CDH9: variants seen among roughly 807,000 people sequenced by gnomAD.
The protein encoded by CDH9 is cadherin 9.
Under a neutral mutation model 70.9 loss-of-function variants are expected in CDH9, and 28 were observed. That is an observed-to-expected ratio of 0.40 (90% CI 0.29 to 0.54). CDH9 has a LOEUF of 0.54. Ranked by LOEUF, CDH9 falls within the 20% of genes least tolerant of loss-of-function variation. CDH9 has a pLI of 0.59. For synonymous variants in CDH9, 409 were observed against 343.1 expected, an observed-to-expected ratio of 1.19 and a Z score of -2.12; for missense variants, 874 against 984.4, an observed-to-expected ratio of 0.89 and a Z score of 1.50.
At chr5:26,988,718 A>T (rs1319099740) in intron 1 of CDH9, among the ~76,000 whole-genome samples, 1 of 152,066 alleles carries the variant, frequency 6.6e-6, no homozygotes, top group Non-Finnish European at 1.5e-5. Context: ...CAAATGTTCC[A>T]TAGTCCTTAA....
intron 2 of CDH9, among the ~76,000 whole-genome samples, chr5:26,976,020 A>G (rs1312329771): frequency 6.6e-6 from 1 of 152,202 alleles, no homozygotes; most frequent in Non-Finnish European, 1.5e-5. Flanking sequence ...GTTGTTGTCT[A>G]AACTTCACAT....
At chr5:26,892,587 G>C (rs1367393714) in intron 7 of CDH9, among the ~76,000 whole-genome samples, 1 of 152,096 alleles carries the variant, frequency 6.6e-6, no homozygotes, top group East Asian at 1.9e-4. Flanking sequence ...ACTCCCTTTT[G>C]ATCAAGTGAA....
chr5:26,885,166 A>G (rs1314282415), intron 11 of CDH9, among the ~76,000 whole-genome samples: 2 of 152,298 alleles, frequency 1.3e-5, no homozygotes, highest in South Asian at 2.1e-4. Context: ...TGGGAATAAT[A>G]GAAAGGAGAA....
At chr5:26,883,073 A>C (rs1740497181) in intron 11 of CDH9, among the ~76,000 whole-genome samples, 1 of 130,140 alleles carries the variant, frequency 7.7e-6, no homozygotes, top group African/African-American at 2.9e-5. Flanking sequence ...ATATATATAT[A>C]TATATATATA....
At chr5:26,944,435 G>A (rs1256961906) in intron 2 of CDH9, among the ~76,000 whole-genome samples, 1 of 152,134 alleles carries the variant, frequency 6.6e-6, no homozygotes, top group African/African-American at 2.4e-5. Flanking sequence ...AGGATCGCTT[G>A]AGTCCAGGAG....
intron 1 of CDH9, among the ~76,000 whole-genome samples, chr5:27,035,675 C>CGTGTGTGT (rs56317555): frequency 7.0e-6 from 1 of 142,776 alleles, no homozygotes; most frequent in South Asian, 2.3e-4. Flanking sequence ...TTGCTATTGA[C>CGTGTGTGT]GTGTGTGTGT....
At chr5:26,916,423 T>C (rs2112006192) in intron 2 of CDH9, among the ~76,000 whole-genome samples, 1 of 152,118 alleles carries the variant, frequency 6.6e-6, no homozygotes, top group Admixed American at 6.6e-5. Flanking sequence ...CTGTGGGGGA[T>C]ACATTTTATA....
chr5:27,010,194 A>G (rs1742932960), intron 1 of CDH9, among the ~76,000 whole-genome samples: 1 of 152,130 alleles, frequency 6.6e-6, no homozygotes, highest in South Asian at 2.1e-4. Flanking sequence ...GAAATAACTG[A>G]AACATTACAC....
chr5:26,923,099 A>G (rs550301767), intron 2 of CDH9, among the ~76,000 whole-genome samples: 1 of 147,096 alleles, frequency 6.8e-6, no homozygotes, highest in Non-Finnish European at 1.5e-5. Context: ...CAAAAAAAAA[A>G]CAAGACCCAA....
chr5:26,902,999 AGTATTATCTAATGGATTTATACATTAT>A (rs1347270115), intron 6 of CDH9: 1 of 313,620 alleles, frequency 3.2e-6, no homozygotes, highest in African/African-American at 2.2e-5. Context: ...AAGTAAATGA[AGTATTATCTAATGGATTTATACATTAT>A]GTATTATCAT....
chr5:26,929,887 T>C (rs1026710890), intron 2 of CDH9, among the ~76,000 whole-genome samples: 1 of 151,914 alleles, frequency 6.6e-6, no homozygotes, highest in Non-Finnish European at 1.5e-5. Flanking sequence ...GGTTAATGGG[T>C]ACAAAAATAT....
At chr5:27,021,643 T>C (rs1323206525) in intron 1 of CDH9, among the ~76,000 whole-genome samples, 2 of 151,864 alleles carry the variant, frequency 1.3e-5, no homozygotes, top group Admixed American at 1.3e-4. Flanking sequence ...ACAATATCAT[T>C]GGCAAAGAGA....
chr5:26,972,513 A>G (rs980902238), intron 2 of CDH9, among the ~76,000 whole-genome samples: 6 of 152,124 alleles, frequency 3.9e-5, no homozygotes, highest in African/African-American at 1.4e-4. Flanking sequence ...ACCCCCCCAC[A>G]AAAGAAAACT....
chr5:26,956,725 A>G (rs961895292), intron 2 of CDH9, among the ~76,000 whole-genome samples: 1 of 152,124 alleles, frequency 6.6e-6, no homozygotes, highest in Non-Finnish European at 1.5e-5. Context: ...GCACCTTGAT[A>G]CTGGATTTCC....
At chr5:27,009,817 T>A (rs1199138694) in intron 1 of CDH9, among the ~76,000 whole-genome samples, 1 of 152,132 alleles carries the variant, frequency 6.6e-6, no homozygotes, top group African/African-American at 2.4e-5. Context: ...TCAAGAGATA[T>A]GCCACAGAAA....
At chr5:26,929,973 A>C (rs2112022578) in intron 2 of CDH9, among the ~76,000 whole-genome samples, 1 of 152,102 alleles carries the variant, frequency 6.6e-6, no homozygotes, top group South Asian at 2.1e-4. Context: ...TGCACTTTTA[A>C]AAATAACTAA....
chr5:26,892,786 A>G (rs1740682624), intron 7 of CDH9, among the ~76,000 whole-genome samples: 1 of 152,104 alleles, frequency 6.6e-6, no homozygotes, highest in African/African-American at 2.4e-5. Context: ...GCTGCAGTGC[A>G]GTGGCGCGAT....
intron 2 of CDH9, among the ~76,000 whole-genome samples, chr5:26,973,153 C>T (rs558298984): frequency 3.3e-5 from 5 of 152,250 alleles, no homozygotes; most frequent in South Asian, 2.1e-4. Context: ...TGAGCCACCA[C>T]GCCTAGTCTT....
At chr5:26,892,375 T>A (rs755832297) in intron 7 of CDH9, among the ~76,000 whole-genome samples, 7 of 152,146 alleles carry the variant, frequency 4.6e-5, no homozygotes, top group Non-Finnish European at 1.0e-4. Context: ...GAGCTGAGAT[T>A]GTGCATTTTT....
Sources: allele counts gnomAD v4.1 joint callset (sites outside exome capture counted in the v4.1 genomes callset), GRCh38; gene constraint gnomAD v4.1.1; transcripts MANE v1.5; gene names NCBI Gene and HGNC (gene_info 2026-07-23, HGNC 2026-07-21).